Variants in CMIP observed in about 807,000 individuals in gnomAD.
The protein encoded by CMIP is c-Maf inducing protein, also known as C-Maf-inducing protein.
A neutral mutation model predicts 97.3 loss-of-function variants in CMIP; 13 were observed. The observed-to-expected ratio is 0.13, with a 90% CI of 0.09 to 0.21. The LOEUF (loss-of-function observed/expected upper bound fraction) is 0.21. CMIP is among the 10% of genes least tolerant of loss of function. CMIP has a pLI of 1.00. For synonymous variants in CMIP, 538 were observed against 436.3 expected, an observed-to-expected ratio of 1.23 and a Z score of -2.91; for missense variants, 847 against 1,024.9, an observed-to-expected ratio of 0.83 and a Z score of 2.37.
intron 20 of CMIP, among the ~76,000 whole-genome samples, chr16:81,709,312 C>T (rs1401251991): frequency 6.6e-6 from 1 of 152,152 alleles, no homozygotes; most frequent in Admixed American, 6.5e-5. Flanking sequence ...TATACGGTGC[C>T]CTGGGCTTTC....
chr16:81,705,627 G>C (rs777098040), intron 19 of CMIP, 23 bp downstream of exon 19: 3 of 1,486,668 alleles, frequency 2.0e-6, no homozygotes, highest in East Asian at 2.4e-5. Context: ...GGGGCAGCTG[G>C]GGGGTGAGGG....
At chr16:81,674,633 T>C (rs936157046) in intron 9 of CMIP, among the ~76,000 whole-genome samples, 2 of 151,850 alleles carry the variant, frequency 1.3e-5, no homozygotes, top group African/African-American at 4.8e-5. Flanking sequence ...TCGCCCAGGC[T>C]GGAGTGCAGT....
At chr16:81,685,269 C>T (rs757257732) in intron 10 of CMIP, among the ~76,000 whole-genome samples, 118 of 152,336 alleles carry the variant, frequency 7.7e-4, no homozygotes, top group Non-Finnish European at 3.7e-4. Flanking sequence ...GAGCCCCAGG[C>T]TGGGAGACCG....
intron 1 of CMIP, chr16:81,520,096 A>T (rs1215789587): frequency 2.6e-5 from 4 of 152,142 alleles, no homozygotes; most frequent in Admixed American, 6.6e-5. Context: ...AAGGCCTTGG[A>T]GAGTGTGCTT....
chr16:81,550,600 G>A (rs956705565), intron 1 of CMIP, among the ~76,000 whole-genome samples: 4 of 152,176 alleles, frequency 2.6e-5, no homozygotes, highest in Admixed American at 2.0e-4. Flanking sequence ...GGGTCACATG[G>A]CTGCTATTGC....
At chr16:81,481,515 C>G (rs553168543) in intron 1 of CMIP, among the ~76,000 whole-genome samples, 15 of 152,282 alleles carry the variant, frequency 9.9e-5, no homozygotes, top group Admixed American at 9.2e-4. Flanking sequence ...AAGAGGAAGT[C>G]CAGGGAGCAT....
chr16:81,645,788 G>A (rs1189518109), intron 3 of CMIP: 4 of 633,502 alleles, frequency 6.3e-6, no homozygotes, highest in African/African-American at 5.5e-5. Flanking sequence ...CTTGGTAGGT[G>A]AAAACAATCA....
chr16:81,567,531 A>G (rs895306964), intron 1 of CMIP, among the ~76,000 whole-genome samples: 1 of 152,218 alleles, frequency 6.6e-6, no homozygotes, highest in Admixed American at 6.5e-5. Flanking sequence ...AAGGGATGCC[A>G]CGTCTCTGGG....
intron 7 of CMIP, chr16:81,667,037 G>A (rs1304325852): frequency 6.6e-6 from 1 of 151,852 alleles, no homozygotes; most frequent in Non-Finnish European, 1.5e-5. Context: ...CTGTTGGGGT[G>A]GCATGAACAG....
intron 1 of CMIP, among the ~76,000 whole-genome samples, chr16:81,539,549 A>G (rs1470366683): frequency 6.6e-6 from 1 of 152,168 alleles, no homozygotes; most frequent in Non-Finnish European, 1.5e-5. Context: ...CCTTGTTCTG[A>G]TCAGGACTAC....
chr16:81,602,675 T>A (rs1408042310), intron 1 of CMIP, among the ~76,000 whole-genome samples: 1 of 152,234 alleles, frequency 6.6e-6, no homozygotes, highest in Admixed American at 6.5e-5. Context: ...AATCATACAG[T>A]ATGCCTTACA....
At position 81,679,943 on chromosome 16, in the gene CMIP, A is replaced by G. The variant is rs1028370078; in HGVS notation, c.1388+1315A>G. On this transcript the variant is annotated intron_variant, in intron 10 of 20. Coordinates refer to ENST00000537098, the MANE Select transcript of CMIP (RefSeq NM_198390.3). The stretch of plus-strand genomic sequence containing the variant: ...TCAGGTCTGCAGACACTCAGCAGAC[A>G]CCTCCCCCTTTCTCGCTCCACAAAC... Among the ~76,000 whole-genome samples the G allele has an allele frequency of 3.3e-5, 5 of 151,812 alleles. No homozygotes were observed. The East Asian group carries it at 7.8e-4, about 24-fold the overall frequency.
intron 1 of CMIP, among the ~76,000 whole-genome samples, chr16:81,599,417 G>A (rs2091620599): frequency 6.6e-6 from 1 of 152,130 alleles, no homozygotes; most frequent in Non-Finnish European, 1.5e-5. Flanking sequence ...TATTTTGACG[G>A]GCCTTCCCCA....
At chr16:81,657,457 A>G (rs964452150) in intron 4 of CMIP, among the ~76,000 whole-genome samples, 22 of 152,154 alleles carry the variant, frequency 1.4e-4, no homozygotes, top group African/African-American at 5.3e-4. Context: ...CCAATAGCCT[A>G]TTGAGGTTAC....
intron 1 of CMIP, among the ~76,000 whole-genome samples, chr16:81,451,523 A>G (rs1463247586): frequency 1.3e-5 from 2 of 152,148 alleles, no homozygotes; most frequent in East Asian, 1.9e-4. Context: ...AGTTGTCTCT[A>G]TTTTGATGTT....
At chr16:81,708,172 T>A (rs929851455) in intron 20 of CMIP, among the ~76,000 whole-genome samples, 1 of 152,100 alleles carries the variant, frequency 6.6e-6, no homozygotes, top group Admixed American at 6.5e-5. Context: ...GGAGGGACAG[T>A]CGGTAGAGAG....
intron 7 of CMIP, among the ~76,000 whole-genome samples, chr16:81,668,850 T>TCCCTGCCTTCCACACCCACCTCA (rs2092640947): frequency 8.3e-6 from 1 of 120,812 alleles, no homozygotes; most frequent in Non-Finnish European, 1.7e-5. Context: ...CACCTCACAC[T>TCCCTGCCTTCCACACCCACCTCA]CACTGCCTTC....
chr16:81,573,116 G>C (rs1351249696), intron 1 of CMIP, among the ~76,000 whole-genome samples: 3 of 152,240 alleles, frequency 2.0e-5, no homozygotes, highest in Non-Finnish European at 4.4e-5. Flanking sequence ...GGCCGAGGCA[G>C]GTGGAACACT....
At chr16:81,469,515 G>T (rs558196403) in intron 1 of CMIP, among the ~76,000 whole-genome samples, 1 of 152,136 alleles carries the variant, frequency 6.6e-6, no homozygotes, top group Admixed American at 6.5e-5. Flanking sequence ...TATTACTGCC[G>T]TTACCACTGT....
Sources: allele counts gnomAD v4.1 joint callset (sites outside exome capture counted in the v4.1 genomes callset), GRCh38; gene constraint gnomAD v4.1.1; transcripts MANE v1.5; gene names NCBI Gene and HGNC (gene_info 2026-07-23, HGNC 2026-07-21).